The following TMEM131 variants were observed in gnomAD, a reference collection of about 807,000 sequenced individuals.
TMEM131 encodes transmembrane protein 131.
In TMEM131, 66 loss-of-function variants were observed where a neutral mutation model predicts 211.6. The ratio of observed to expected loss-of-function variants is 0.31; its 90% CI spans 0.26 to 0.38. The LOEUF (loss-of-function observed/expected upper bound fraction) is 0.38, where lower values mean the gene tolerates loss of function less well. TMEM131 is among the 10% of genes least tolerant of loss of function. The pLI is 1.00. For missense variants in TMEM131, 2,036 were observed against 2,299.3 expected, an observed-to-expected ratio of 0.89 and a Z score of 2.34; for synonymous variants, 844 against 841.3, an observed-to-expected ratio of 1.00 and a Z score of -0.06.
chr2:97,953,310 T>C (rs762335129), intron 1 of TMEM131, among the ~76,000 whole-genome samples: 6 of 152,210 alleles, frequency 3.9e-5, no homozygotes, highest in Admixed American at 6.5e-5. Context: ...ATAAAACTTA[T>C]TTCAAACACA....
At chr2:97,951,862 G>A (rs1678333167) in intron 1 of TMEM131, among the ~76,000 whole-genome samples, 1 of 151,974 alleles carries the variant, frequency 6.6e-6, no homozygotes, top group Admixed American at 6.6e-5. Flanking sequence ...CAGATCTAAA[G>A]AAGTGTTCAA....
intron 1 of TMEM131, 125 bp downstream of exon 1, chr2:97,995,351 G>T: frequency 9.9e-7 from 1 of 1,005,844 alleles, no homozygotes; most frequent in Non-Finnish European, 1.3e-6. Flanking sequence ...GCTCGGGACG[G>T]TACCCGACCG....
chr2:97,836,139 C>T (rs919192535), intron 8 of TMEM131, among the ~76,000 whole-genome samples: 2 of 152,194 alleles, frequency 1.3e-5, no homozygotes, highest in African/African-American at 4.8e-5. Context: ...AATGAACTGT[C>T]CATTGCATAT....
chr2:97,781,072 G>T (rs926664185), intron 31 of TMEM131, among the ~76,000 whole-genome samples: 5 of 152,136 alleles, frequency 3.3e-5, no homozygotes, highest in Admixed American at 3.3e-4. Flanking sequence ...CAATCATTCG[G>T]GTCTGTCTCT....
intron 7 of TMEM131, among the ~76,000 whole-genome samples, chr2:97,838,679 G>A (rs1683051865): frequency 6.6e-6 from 1 of 151,910 alleles, no homozygotes; most frequent in African/African-American, 2.4e-5. Context: ...TCCTGACCTC[G>A]TCATCCACCC....
At chr2:97,985,947 T>TAA (rs775947154) in intron 1 of TMEM131, among the ~76,000 whole-genome samples, 3 of 137,664 alleles carry the variant, frequency 2.2e-5, no homozygotes, top group Non-Finnish European at 4.8e-5. Flanking sequence ...AGAAACCATT[T>TAA]AAAAAAAAAA....
chr2:97,908,925 C>T (rs1411727371), intron 2 of TMEM131, among the ~76,000 whole-genome samples: 4 of 152,056 alleles, frequency 2.6e-5, no homozygotes, highest in Non-Finnish European at 5.9e-5. Context: ...TGTGCCAAAC[C>T]GACACATCCT....
intron 1 of TMEM131, among the ~76,000 whole-genome samples, chr2:97,992,729 CAT>C (rs1466014736): frequency 6.6e-6 from 1 of 152,164 alleles, no homozygotes; most frequent in African/African-American, 2.4e-5. Context: ...TACACATACA[CAT>C]GTATTTTCAC....
intron 4 of TMEM131, among the ~76,000 whole-genome samples, chr2:97,885,415 T>C (rs754559390): frequency 6.3e-5 from 7 of 111,258 alleles, no homozygotes; most frequent in East Asian, 2.0e-4. Context: ...AGGATGGTCT[T>C]GATCTCCTGA....
chr2:97,985,797 CTAA>C (rs1680001035), intron 1 of TMEM131, among the ~76,000 whole-genome samples: 2 of 151,916 alleles, frequency 1.3e-5, no homozygotes, highest in African/African-American at 4.8e-5. Flanking sequence ...AGGCAACTGA[CTAA>C]TGATTTGAGG....
At position 97,756,852 on chromosome 2, in the gene TMEM131, C is replaced by CT. The variant is rs201449262; in HGVS notation, c.*246dup. 1,747 of 392,368 alleles carry CT rather than the reference C, an allele frequency of 4.5e-3. 50 individuals carry two copies. The East Asian group carries it at 0.049, about 11-fold the overall frequency. 24.3% of individuals were successfully genotyped at this position (392,368 alleles called of 1,614,324 possible). On this transcript the variant is annotated 3_prime_UTR_variant, in exon 41 of 41. Transcript: ENST00000186436. ...GGGAAAGGTTCTCAGATGTACAGGT[C>CT]TTATTAGAGTTTGTGGCTGAGTCCA...
intron 1 of TMEM131, among the ~76,000 whole-genome samples, chr2:97,978,980 T>C (rs1679668076): frequency 6.6e-6 from 1 of 152,232 alleles, no homozygotes; most frequent in Non-Finnish European, 1.5e-5. Flanking sequence ...TCTTGATCCT[T>C]GGCTGCAGAA....
intron 29 of TMEM131, 122 bp downstream of exon 29, chr2:97,794,808 C>G: frequency 1.3e-6 from 1 of 740,862 alleles, no homozygotes; most frequent in South Asian, 2.5e-5. Context: ...TTGATAAAGG[C>G]AGAGTTCTGT....
At chr2:97,973,244 C>G (rs1010476721) in intron 1 of TMEM131, among the ~76,000 whole-genome samples, 1 of 152,198 alleles carries the variant, frequency 6.6e-6, no homozygotes, top group Non-Finnish European at 1.5e-5. Flanking sequence ...CTGATGCAGA[C>G]ATATGAACTT....
intron 1 of TMEM131, among the ~76,000 whole-genome samples, chr2:97,985,360 T>TAC (rs1173699772): frequency 2.0e-5 from 3 of 151,576 alleles, no homozygotes; most frequent in African/African-American, 7.3e-5. Flanking sequence ...TTAATACATA[T>TAC]ATATATATAC....
Position 97,792,871 on chromosome 2 carries a change from G to A in TMEM131, c.3659C>T (p.Pro1220Leu). 2 of 1,613,662 alleles carry A rather than the reference G, an allele frequency of 1.2e-6. No homozygotes were observed. Among genetic ancestry groups the A allele is most frequent in the East Asian group, 2.2e-5 (1 of 44,860 alleles). Residue 1220 changes from proline to leucine, a missense_variant, in exon 31 of 41, where the codon CCA (proline) becomes CTA (leucine). Transcript: ENST00000186436. ...GTTTCTATTGCTGTGACTGCTGTGT[G>A]GGTGGACCGATGGGCCACACTGCTT... ...SHKQCGPSVHPHSSHSNRNSA... is the reference protein window; with the variant it reads ...SHKQCGPSVHLHSSHSNRNSA...
intron 1 of TMEM131, among the ~76,000 whole-genome samples, chr2:97,957,053 C>T (rs987822527): frequency 6.6e-6 from 1 of 150,564 alleles, no homozygotes; most frequent in African/African-American, 2.5e-5. Context: ...GCCGAGATCG[C>T]GCCACTGCAC....
intron 1 of TMEM131, among the ~76,000 whole-genome samples, chr2:97,943,872 A>G (rs1292689242): frequency 6.6e-6 from 1 of 152,112 alleles, no homozygotes; most frequent in African/African-American, 2.4e-5. Flanking sequence ...TCATGAGGTC[A>G]AGAGATCAAG....
chr2:97,923,275 T>A (rs756790669), intron 2 of TMEM131, among the ~76,000 whole-genome samples: 5 of 151,900 alleles, frequency 3.3e-5, no homozygotes, highest in African/African-American at 7.3e-5. Flanking sequence ...CGAGACTCCA[T>A]CTCAAAAAAA....
Sources: allele counts gnomAD v4.1 joint callset (sites outside exome capture counted in the v4.1 genomes callset), GRCh38; gene constraint gnomAD v4.1.1; transcripts MANE v1.5; gene names NCBI Gene and HGNC (gene_info 2026-07-23, HGNC 2026-07-21).